Variants in DGKB observed in about 807,000 individuals in gnomAD.
The protein encoded by DGKB is diacylglycerol kinase beta.
DGKB carries 67 observed loss-of-function variants against 114.3 expected under a neutral mutation model. That is an observed-to-expected ratio of 0.59 (90% CI 0.48 to 0.72). DGKB has a LOEUF of 0.72. Ranked by LOEUF, DGKB falls within the 30% of genes least tolerant of loss-of-function variation. The pLI is 0.00. For missense variants in DGKB, 907 were observed against 975.2 expected (o/e 0.93, Z 0.93); for synonymous variants, 398 against 323.1 (o/e 1.23, Z -2.49).
intron 2 of DGKB, among the ~76,000 whole-genome samples, chr7:14,759,214 C>T (rs757294953): frequency 3.9e-5 from 6 of 152,104 alleles, no homozygotes; most frequent in Non-Finnish European, 7.4e-5. Context: ...CATGAGCCAC[C>T]GTGCTCAGCC....
At chr7:14,694,458 G>T (rs1312561492) in intron 8 of DGKB, among the ~76,000 whole-genome samples, 1 of 152,102 alleles carries the variant, frequency 6.6e-6, no homozygotes, top group Non-Finnish European at 1.5e-5. Context: ...AAAACAAGAA[G>T]AATCTTTAAT....
intron 1 of DGKB, among the ~76,000 whole-genome samples, chr7:14,863,089 A>G (rs144654376): frequency 1.3e-5 from 2 of 150,474 alleles, no homozygotes; most frequent in African/African-American, 2.5e-5. Flanking sequence ...TATCATTTTT[A>G]ATAATATTAT....
chr7:14,573,544 C>T (rs938925983), intron 20 of DGKB, among the ~76,000 whole-genome samples: 5 of 151,014 alleles, frequency 3.3e-5, no homozygotes, highest in African/African-American at 1.2e-4. Flanking sequence ...CATGGGATGA[C>T]ATACATTAAA....
chr7:14,910,298 G>T (rs1783929914), intron 1 of DGKB, among the ~76,000 whole-genome samples: 1 of 116,742 alleles, frequency 8.6e-6, no homozygotes, highest in Non-Finnish European at 1.9e-5. Flanking sequence ...AAGAAAGAAA[G>T]AAAGAAAGAA....
At chr7:14,504,534 C>A (rs1018522156) in intron 20 of DGKB, among the ~76,000 whole-genome samples, 1 of 152,126 alleles carries the variant, frequency 6.6e-6, no homozygotes, top group Non-Finnish European at 1.5e-5. Context: ...TTGTGATTCA[C>A]AGAATGTCAT....
intron 21 of DGKB, among the ~76,000 whole-genome samples, chr7:14,384,386 T>C (rs1355810259): frequency 2.6e-5 from 4 of 152,192 alleles, no homozygotes; most frequent in Admixed American, 1.3e-4. Context: ...GTTACTCTCA[T>C]ATGGTTACAT....
chr7:14,442,066 A>C (rs1830154730), intron 21 of DGKB, among the ~76,000 whole-genome samples: 1 of 152,030 alleles, frequency 6.6e-6, no homozygotes, highest in Admixed American at 6.5e-5. Context: ...AGTGGGAAAC[A>C]GTTCCTTTCT....
Position 14,840,468 on chromosome 7 carries a change from GAATA to G in DGKB, c.70+722_70+725del, listed in dbSNP as rs748212652. Among the ~76,000 whole-genome samples the G allele has an allele frequency of 1.8e-4, 27 of 152,026 alleles. No homozygotes were observed. In the East Asian group the frequency reaches 3.5e-3, roughly 20 times the overall value. On this transcript the variant is annotated intron_variant, in intron 2 of 25. Transcript: ENST00000402815. ...AAATAGACATATTCCTGAAAATCTAGAATAAAAACAAATTTCTTATAAATAAAAT... is the reference window on the plus strand; with the variant it reads ...AAATAGACATATTCCTGAAAATCTAGAAAACAAATTTCTTATAAATAAAAT...
intron 1 of DGKB, among the ~76,000 whole-genome samples, chr7:14,850,952 T>G (rs1849270000): frequency 6.6e-6 from 1 of 152,162 alleles, no homozygotes; most frequent in African/African-American, 2.4e-5. Flanking sequence ...TCACTTTCCT[T>G]TCTCATGAAA....
chr7:14,622,973 C>G (rs1296919571), intron 14 of DGKB, among the ~76,000 whole-genome samples: 1 of 152,106 alleles, frequency 6.6e-6, no homozygotes, highest in Non-Finnish European at 1.5e-5. Flanking sequence ...TTATTACAAC[C>G]TAAAGTATTA....
At chr7:14,757,025 G>T (rs1041293974) in intron 3 of DGKB, among the ~76,000 whole-genome samples, 1 of 152,006 alleles carries the variant, frequency 6.6e-6, no homozygotes, top group East Asian at 1.9e-4. Flanking sequence ...GACATGCAAA[G>T]TTTTCATAAG....
intron 1 of DGKB, among the ~76,000 whole-genome samples, chr7:14,953,859 T>C (rs930436181): frequency 2.0e-5 from 3 of 152,030 alleles, no homozygotes; most frequent in African/African-American, 7.2e-5. Flanking sequence ...GGCTAAGAAG[T>C]GTTTATGAGA....
intron 21 of DGKB, among the ~76,000 whole-genome samples, chr7:14,469,095 G>C (rs1780904467): frequency 6.6e-6 from 1 of 152,000 alleles, no homozygotes; most frequent in Admixed American, 6.6e-5. Context: ...AGAGCTCAAT[G>C]GTCACCTTAA....
intron 23 of DGKB, among the ~76,000 whole-genome samples, chr7:14,184,275 G>A (rs887711889): frequency 6.6e-5 from 10 of 152,136 alleles, no homozygotes; most frequent in Non-Finnish European, 1.3e-4. Context: ...CAATTTGAAC[G>A]GGGTGGGAAG....
chr7:14,230,549 TA>T (rs1791554392), intron 23 of DGKB, among the ~76,000 whole-genome samples: 1 of 152,024 alleles, frequency 6.6e-6, no homozygotes, highest in African/African-American at 2.4e-5. Context: ...TCAAATAAGA[TA>T]GAGCAATAAC....
At chr7:14,956,616 T>C (rs1010268915) in intron 1 of DGKB, among the ~76,000 whole-genome samples, 2 of 152,160 alleles carry the variant, frequency 1.3e-5, no homozygotes, top group East Asian at 3.9e-4. Context: ...TAAGACAGCT[T>C]CTTAACCTCT....
intron 21 of DGKB, among the ~76,000 whole-genome samples, chr7:14,408,626 T>G (rs1466174955): frequency 1.3e-5 from 2 of 152,154 alleles, no homozygotes; most frequent in Non-Finnish European, 2.9e-5. Flanking sequence ...TTCTTCTAGC[T>G]CACTGATTCT....
At chr7:14,527,670 A>G (rs1421788851) in intron 20 of DGKB, among the ~76,000 whole-genome samples, 3 of 152,136 alleles carry the variant, frequency 2.0e-5, no homozygotes, top group African/African-American at 7.2e-5. Flanking sequence ...GTCGGGTTTA[A>G]GATCTATTTT....
intron 23 of DGKB, among the ~76,000 whole-genome samples, chr7:14,253,145 C>T (rs1441204381): frequency 6.6e-6 from 1 of 152,032 alleles, no homozygotes; most frequent in East Asian, 1.9e-4. Flanking sequence ...AGCGATTCTC[C>T]TGTCTCAGCC....
Sources: gnomAD v4.1 joint callset for allele counts (sites outside exome capture counted in the v4.1 genomes callset) on GRCh38, gnomAD v4.1.1 for gene constraint, MANE v1.5 for transcripts, NCBI Gene and HGNC (gene_info 2026-07-23, HGNC 2026-07-21) for gene names.